The following FRAS1 variants were observed in gnomAD, a reference collection of about 807,000 sequenced individuals.
FRAS1 encodes extracellular matrix organizing protein FRAS1.
A neutral mutation model predicts 435.2 loss-of-function variants in FRAS1; 290 were observed. The ratio of observed to expected loss-of-function variants is 0.67; its 90% CI spans 0.61 to 0.73. The LOEUF is 0.73. FRAS1 is among the 30% of genes least tolerant of loss of function. FRAS1 has a pLI of 0.00. For synonymous variants in FRAS1, 1,800 were observed against 1,851.0 expected, an observed-to-expected ratio of 0.97 and a Z score of 0.71; for missense variants, 4,860 against 5,001.5, an observed-to-expected ratio of 0.97 and a Z score of 0.85.
At chr4:78,104,984 T>C (rs1378679610) in intron 2 of FRAS1, among the ~76,000 whole-genome samples, 1 of 152,230 alleles carries the variant, frequency 6.6e-6, no homozygotes, top group Non-Finnish European at 1.5e-5. Context: ...ATTGATGTTT[T>C]TTTCTGATTT....
At chr4:78,305,005 G>A (rs888901167) in intron 14 of FRAS1, among the ~76,000 whole-genome samples, 49 of 152,238 alleles carry the variant, frequency 3.2e-4, no homozygotes, top group East Asian at 1.9e-3. Context: ...ATTTAGTGCT[G>A]TAAATTTCCC....
intron 2 of FRAS1, among the ~76,000 whole-genome samples, chr4:78,146,849 G>T (rs1008404143): frequency 2.6e-5 from 4 of 151,490 alleles, no homozygotes; most frequent in South Asian, 4.2e-4. Context: ...TCACTTTTAG[G>T]TTTTTTTTGT....
At chr4:78,137,170 A>T (rs989672553) in intron 2 of FRAS1, among the ~76,000 whole-genome samples, 1 of 152,218 alleles carries the variant, frequency 6.6e-6, no homozygotes, top group South Asian at 2.1e-4. Flanking sequence ...TGGCTTTCAT[A>T]GTCCTTTGAT....
chr4:78,334,177 G>A (rs1377157825), intron 19 of FRAS1, among the ~76,000 whole-genome samples: 1 of 152,012 alleles, frequency 6.6e-6, no homozygotes, highest in Non-Finnish European at 1.5e-5. Context: ...GTTCAGAATA[G>A]GAAAAATAAA....
chr4:78,143,012 T>C (rs887762240), intron 2 of FRAS1, among the ~76,000 whole-genome samples: 5 of 152,128 alleles, frequency 3.3e-5, no homozygotes, highest in Non-Finnish European at 7.4e-5. Flanking sequence ...TGAATACATA[T>C]TTAATTCCAT....
chr4:78,476,753 T>G (rs1719863355), intron 54 of FRAS1, among the ~76,000 whole-genome samples: 1 of 152,228 alleles, frequency 6.6e-6, no homozygotes. Context: ...GGGAGTGTTT[T>G]AAAATATGAA....
In FRAS1 at chr4:78,286,421, C is replaced by T. The variant is rs35690113; in HGVS notation, c.1416C>T (p.Cys472=). The T allele has an allele frequency of 2.1e-3, 3,322 of 1,613,614 alleles. 59 individuals carry two copies. In the African/African-American group the frequency reaches 0.037, roughly 18 times the overall value. ...TGGAGTCAGCCTGCCAGCCCCAGTGCTCCACGTGTACCAGTGGGCTGGAGT... is the reference window on the plus strand; with the variant it reads ...TGGAGTCAGCCTGCCAGCCCCAGTGTTCCACGTGTACCAGTGGGCTGGAGT... The part of the protein sequence containing the change: ...GSLCLACQPQ[C]STCTSGLECS... Residue 472 remains cysteine, a synonymous_variant, in exon 14 of 74, where the codon TGC becomes TGT. Transcript: ENST00000512123.
At position 78,280,580 on chromosome 4, in the gene FRAS1, C is replaced by T. The variant is rs897992488; in HGVS notation, c.1072-818C>T. On this transcript the variant is annotated intron_variant, in intron 10 of 73. Coordinates refer to ENST00000512123, the MANE Select transcript of FRAS1 (RefSeq NM_025074.7). ...TGACTGGTAAACTGATTCCTCCATA[C>T]TTTTTTTTTTTTTTTTGATTTGGGT... 4.5e-4 allele frequency among the ~76,000 whole-genome samples: 64 copies of T among 141,902 alleles called. 1 individual carries two copies. In the East Asian group the frequency reaches 0.011, roughly 24 times the overall value. 93.1% of individuals were successfully genotyped at this position (141,902 alleles called of 152,430 possible).
At chr4:78,298,066 TTATA>T (rs150382170) in intron 14 of FRAS1, among the ~76,000 whole-genome samples, 1 of 142,474 alleles carries the variant, frequency 7.0e-6, no homozygotes, top group African/African-American at 2.6e-5. Context: ...CTAATCCTCT[TTATA>T]TATATATATT....
At chr4:78,466,837 C>A (rs527497305) in intron 50 of FRAS1, among the ~76,000 whole-genome samples, 1 of 152,112 alleles carries the variant, frequency 6.6e-6, no homozygotes, top group East Asian at 1.9e-4. Flanking sequence ...TGGACTAGGT[C>A]CCCTCAGCCT....
chr4:78,412,771 A>G (rs1043345011), intron 31 of FRAS1, among the ~76,000 whole-genome samples, 198 bp from the exon 32 acceptor site: 2 of 152,212 alleles, frequency 1.3e-5, no homozygotes, highest in African/African-American at 4.8e-5. Context: ...TTTGCTTAAA[A>G]TGAAATCAGT....
chr4:78,305,338 G>C (rs1336196150), intron 14 of FRAS1, among the ~76,000 whole-genome samples: 11 of 151,682 alleles, frequency 7.3e-5, no homozygotes, highest in Non-Finnish European at 1.2e-4. Flanking sequence ...TGTATATTCT[G>C]TTGATTTGGG....
intron 71 of FRAS1, among the ~76,000 whole-genome samples, chr4:78,536,511 G>T (rs1022564453): frequency 6.6e-6 from 1 of 152,130 alleles, no homozygotes; most frequent in African/African-American, 2.4e-5. Flanking sequence ...GTGACCTTCA[G>T]CAAATCACTT....
At position 78,375,873 on chromosome 4, in the gene FRAS1, T is replaced by C. The variant is rs765732994; in HGVS notation, c.3286T>C (p.Cys1096Arg). 2.5e-6 allele frequency: 4 copies of C among 1,613,860 alleles called. No homozygotes were observed. The South Asian group carries it at 3.3e-5, about 13-fold the overall frequency. ...GFSVHTSNET[C>R]SGKIHTPSLH... The stretch of plus-strand genomic sequence containing the variant: ...TTCTGTCCACACCTCTAATGAAACA[T>C]GTTCTGGTAAGTGCTTCTCCTCAGA... The change falls in exon 26 of 74, where the codon TGT (cysteine) becomes CGT (arginine). Residue 1096 changes from cysteine to arginine, a missense_variant. Transcript: ENST00000512123.
chr4:78,309,338 C>G (rs1383140548), intron 15 of FRAS1, among the ~76,000 whole-genome samples: 4 of 152,124 alleles, frequency 2.6e-5, no homozygotes, highest in Non-Finnish European at 4.4e-5. Flanking sequence ...GCTACAGCAG[C>G]AATAGAAAAT....
chr4:78,462,421 G>C (rs1719398970), intron 47 of FRAS1, among the ~76,000 whole-genome samples: 2 of 151,950 alleles, frequency 1.3e-5, no homozygotes, highest in African/African-American at 2.4e-5. Flanking sequence ...ATTGCACACT[G>C]TCTATATATG....
chr4:78,373,888 A>T (rs1731611927), intron 24 of FRAS1, among the ~76,000 whole-genome samples: 1 of 152,186 alleles, frequency 6.6e-6, no homozygotes, highest in Non-Finnish European at 1.5e-5. Flanking sequence ...CATTTTATAG[A>T]GAAGAACACA....
At chr4:78,132,070 T>G (rs1243650580) in intron 2 of FRAS1, among the ~76,000 whole-genome samples, 2 of 152,220 alleles carry the variant, frequency 1.3e-5, no homozygotes, top group African/African-American at 4.8e-5. Context: ...TTGTTTTCTC[T>G]TACTGTGTGT....
At position 78,384,162 on chromosome 4, in the gene FRAS1, T is replaced by C. The variant is rs779095201; in HGVS notation, c.3648+19T>C. On this transcript the variant is annotated intron_variant, in intron 28 of 73. Transcript: ENST00000512123. ...AACACAGGTAATAAAAATGGCCACG[T>C]AATTAATAATTTTACATGACTACTA... is the stretch of plus-strand genomic sequence containing the variant. 1.3e-6 allele frequency: 2 copies of C among 1,521,734 alleles called. No homozygotes were observed. Among genetic ancestry groups the C allele is most frequent in the South Asian group, 2.5e-5 (2 of 79,158 alleles). The allele number at this position is 1,521,734 out of a possible 1,614,324, so 94.3% of individuals were successfully genotyped here.
Sources: gnomAD v4.1 joint callset for allele counts (sites outside exome capture counted in the v4.1 genomes callset) on GRCh38, gnomAD v4.1.1 for gene constraint, MANE v1.5 for transcripts, NCBI Gene and HGNC (gene_info 2026-07-23, HGNC 2026-07-21) for gene names.